The following COL25A1 variants were observed in gnomAD, a reference collection of about 807,000 sequenced individuals.
COL25A1 encodes collagen type XXV alpha 1 chain.
In COL25A1, 103 loss-of-function variants were observed where a neutral mutation model predicts 128.4. The ratio of observed to expected loss-of-function variants is 0.80; its 90% confidence interval spans 0.68 to 0.94. The LOEUF is 0.94. COL25A1 is among the 40% of genes least tolerant of loss of function. The probability of loss-of-function intolerance (pLI) is 0.00; values close to 1 mark genes in which losing one functional copy is unlikely to be tolerated. For missense variants in COL25A1, 745 were observed against 840.0 expected, an observed-to-expected ratio of 0.89 and a Z score of 1.40; for synonymous variants, 279 against 277.2, an observed-to-expected ratio of 1.01 and a Z score of -0.06.
intron 3 of COL25A1, among the ~76,000 whole-genome samples, chr4:109,183,910 C>T (rs1774895618): frequency 1.4e-5 from 2 of 141,882 alleles, no homozygotes; most frequent in East Asian, 2.0e-4. Flanking sequence ...ACCTTTAAAA[C>T]ACACACCAAC....
chr4:109,093,467 A>AACAAACAAAC (rs1553931017), intron 3 of COL25A1, among the ~76,000 whole-genome samples: 4 of 151,274 alleles, frequency 2.6e-5, no homozygotes, highest in African/African-American at 9.8e-5. Flanking sequence ...GAAAAAAAAA[A>AACAAACAAAC]AAAAAAAAAC....
intron 3 of COL25A1, among the ~76,000 whole-genome samples, chr4:109,153,489 A>AAT (rs1197440498): frequency 1.3e-5 from 2 of 152,162 alleles, no homozygotes; most frequent in African/African-American, 2.4e-5. Flanking sequence ...ACCAAAGGGA[A>AAT]ATATTTCACA....
chr4:108,927,915 T>C (rs1048286114), intron 11 of COL25A1, among the ~76,000 whole-genome samples: 5 of 152,160 alleles, frequency 3.3e-5, no homozygotes, highest in Non-Finnish European at 5.9e-5. Context: ...TAAATCTAGG[T>C]ATATAAAAAT....
intron 3 of COL25A1, among the ~76,000 whole-genome samples, chr4:109,197,487 TATATATAA>T (rs1560851259): frequency 3.2e-5 from 4 of 124,978 alleles, no homozygotes; most frequent in Admixed American, 2.9e-4. Context: ...TATTATATAT[TATATATAA>T]ATATATATTA....
chr4:108,836,849 C>T (rs939589201), intron 31 of COL25A1, among the ~76,000 whole-genome samples: 9 of 152,068 alleles, frequency 5.9e-5, no homozygotes, highest in African/African-American at 9.7e-5. Flanking sequence ...GAAGCCGAGG[C>T]GGGTGGATCA....
intron 3 of COL25A1, among the ~76,000 whole-genome samples, chr4:109,246,386 A>G (rs183508271): frequency 2.6e-5 from 4 of 152,318 alleles, no homozygotes; most frequent in African/African-American, 9.6e-5. Context: ...ATTTTCATCT[A>G]TATCAATGAA....
intron 3 of COL25A1, among the ~76,000 whole-genome samples, chr4:109,175,458 T>C (rs1366748794): frequency 6.6e-6 from 1 of 152,146 alleles, no homozygotes; most frequent in Non-Finnish European, 1.5e-5. Context: ...AACCACAATA[T>C]TGGGGAACTA....
chr4:108,941,376 C>T lies in COL25A1; in HGVS notation c.554G>A (p.Arg185His), dbSNP rs369966231. ...AAGAATAAGCACTACCTTAATCAGG[C>T]GGCGTTTAATGAGCTGCTGATCAGC... ...LSADQQLIKR[R>H]LIKGDQGQAG... is the part of the protein sequence containing the mutation. Residue 185 changes from arginine to histidine, a missense_variant, in exon 9 of 38, where the codon CGC becomes CAC. By Grantham distance (29) the Arg-to-His change is conservative. This residue lies in a region of COL25A1 where 319 missense variants were observed against 324.9 expected (regional missense o/e 0.98). Coordinates refer to ENST00000399132, the MANE Select transcript of COL25A1 (RefSeq NM_198721.4). 44 of 1,613,202 alleles carry T rather than the reference C, an allele frequency of 2.7e-5. 1 individual carries two copies. Among genetic ancestry groups the T allele is most frequent in the Admixed American group, 8.3e-5 (5 of 59,980 alleles).
chr4:109,176,816 C>T (rs923112749), intron 3 of COL25A1, among the ~76,000 whole-genome samples: 2 of 152,028 alleles, frequency 1.3e-5, no homozygotes, highest in African/African-American at 4.8e-5. Flanking sequence ...GAGGAGAAGG[C>T]CACGTGAAGA....
rs375825376 is a variant in COL25A1, at chr4:108,886,442, T to TTGTGTG, written c.976-2226_976-2221dup. On this transcript the variant is annotated intron_variant, in intron 18 of 37. Transcript: ENST00000399132. ...AACTTTCTTAAAGTGCTATGAGATT[T>TTGTGTG]TGTGTGTGTGTGTGTGTGTGTGTGT... is the stretch of plus-strand genomic sequence containing the variant. Among the ~76,000 whole-genome samples the TTGTGTG allele has an allele frequency of 5.9e-4, 48 of 81,406 alleles. 1 individual carries two copies. The highest frequency in any genetic ancestry group is 1.5e-3 in the African/African-American group (33 of 21,306). The allele number at this position is 81,406 out of a possible 152,430, so 53.4% of individuals were successfully genotyped here.
At chr4:108,896,488 G>C (rs1742165495) in intron 16 of COL25A1, among the ~76,000 whole-genome samples, 179 bp downstream of exon 16, 1 of 152,132 alleles carries the variant, frequency 6.6e-6, no homozygotes. Flanking sequence ...ATAGGAGCTT[G>C]TGGAATAATC....
At chr4:108,926,698 G>C (rs1746098066) in intron 11 of COL25A1, among the ~76,000 whole-genome samples, 2 of 151,882 alleles carry the variant, frequency 1.3e-5, no homozygotes, top group South Asian at 4.1e-4. Flanking sequence ...TAAAGAGTAA[G>C]AGGAAATTTA....
intron 3 of COL25A1, among the ~76,000 whole-genome samples, chr4:109,071,869 C>G (rs547962022): frequency 6.6e-6 from 1 of 152,288 alleles, no homozygotes; most frequent in Non-Finnish European, 1.5e-5. Context: ...ACTAGTTCAA[C>G]CATCGTGGAA....
intron 3 of COL25A1, among the ~76,000 whole-genome samples, chr4:109,141,841 G>A (rs991822735): frequency 2.0e-5 from 3 of 151,926 alleles, no homozygotes; most frequent in African/African-American, 7.3e-5. Context: ...TATTAGTCTG[G>A]CTAGTGGTCT....
intron 3 of COL25A1, among the ~76,000 whole-genome samples, chr4:109,260,928 C>T (rs1781407166): frequency 6.6e-6 from 1 of 151,874 alleles, no homozygotes; most frequent in Non-Finnish European, 1.5e-5. Flanking sequence ...AAGGACTAGC[C>T]CAATTTATTT....
intron 6 of COL25A1, among the ~76,000 whole-genome samples, chr4:109,006,560 CA>C (rs1579059514): frequency 1.3e-5 from 2 of 151,630 alleles, no homozygotes; most frequent in Non-Finnish European, 2.9e-5. Context: ...GTTTTAAATG[CA>C]TATTACTTAT....
chr4:109,052,618 C>G (rs1054101800), intron 3 of COL25A1, among the ~76,000 whole-genome samples: 4 of 152,046 alleles, frequency 2.6e-5, no homozygotes, highest in Non-Finnish European at 5.9e-5. Context: ...ATAAATTATA[C>G]AAAACTCTCA....
intron 3 of COL25A1, among the ~76,000 whole-genome samples, chr4:109,153,385 A>G (rs897376554): frequency 1.3e-5 from 2 of 148,600 alleles, no homozygotes; most frequent in Non-Finnish European, 3.0e-5. Context: ...CCATCTCAAA[A>G]AAAAAAAAAA....
At chr4:108,844,668 T>A in intron 29 of COL25A1, 99 bp from the exon 30 acceptor site, 1 of 1,477,382 alleles carries the variant, frequency 6.8e-7, no homozygotes. Context: ...CCATTAGTAG[T>A]TGGAGAGGAA....
Sources: gnomAD v4.1 joint callset for allele counts (sites outside exome capture counted in the v4.1 genomes callset) on GRCh38, gnomAD v4.1.1 for gene constraint, gnomAD v4.1.1 regional missense constraint, MANE v1.5 for transcripts, NCBI Gene and HGNC (gene_info 2026-07-23, HGNC 2026-07-21) for gene names.